Variants in MMP26 observed in about 807,000 individuals in gnomAD.
The protein encoded by MMP26 is matrix metallopeptidase 26, also known as matrix metalloproteinase-26.
Under a neutral mutation model 31.0 loss-of-function variants are expected in MMP26, and 33 were observed. The observed-to-expected ratio is 1.06, with a 90% CI of 0.81 to 1.42. MMP26 has a LOEUF of 1.42. Among genes scored for constraint, MMP26 ranks in the 40% most tolerant of loss-of-function variants. The probability of loss-of-function intolerance (pLI) is 0.00; values close to 1 mark genes in which losing one functional copy is unlikely to be tolerated. For synonymous variants in MMP26, 122 were observed against 114.9 expected, an observed-to-expected ratio of 1.06 and a Z score of -0.40; for missense variants, 347 against 316.1, an observed-to-expected ratio of 1.10 and a Z score of -0.74.
intron 2 of MMP26, chr11:4,859,716 G>T (rs750559578): frequency 8.3e-5 from 39 of 470,932 alleles, no homozygotes; most frequent in Non-Finnish European, 1.7e-4. Context: ...GGAGCAGTAG[G>T]TATATATCAG....
At chr11:4,859,312 G>A (rs375349318) in intron 2 of MMP26, among the ~76,000 whole-genome samples, 86 of 152,280 alleles carry the variant, frequency 5.6e-4, no homozygotes, top group African/African-American at 1.9e-3. Flanking sequence ...ACATACATTA[G>A]TGTTATCTGG....
chr11:4,805,259 A>G (rs528174198), intron 2 of MMP26, among the ~76,000 whole-genome samples: 1 of 152,358 alleles, frequency 6.6e-6, no homozygotes, highest in Admixed American at 6.5e-5. Context: ...TGGGAAGTTA[A>G]TCTACTGACC....
intron 2 of MMP26, among the ~76,000 whole-genome samples, chr11:4,801,828 C>T (rs1038307864): frequency 2.6e-5 from 4 of 152,038 alleles, no homozygotes; most frequent in African/African-American, 7.3e-5. Flanking sequence ...TGTGAACCAC[C>T]GAGCCCAGTT....
At chr11:4,986,433 G>C (rs768302592) in intron 2 of MMP26, among the ~76,000 whole-genome samples, 5 of 147,156 alleles carry the variant, frequency 3.4e-5, no homozygotes, top group Non-Finnish European at 3.0e-5. Context: ...CTACAGCCAA[G>C]ACCTCCCAGG....
At chr11:4,706,448 G>A (rs569075923) in intron 1 of MMP26, among the ~76,000 whole-genome samples, 29 of 151,706 alleles carry the variant, frequency 1.9e-4, no homozygotes, top group African/African-American at 6.8e-4. Context: ...TGTAGTCTCA[G>A]CTACTTTACA....
chr11:4,723,920 G>A (rs1848058775), intron 1 of MMP26: 2 of 943,320 alleles, frequency 2.1e-6, no homozygotes, highest in Non-Finnish European at 3.5e-6. Flanking sequence ...CGCATGGCCT[G>A]GATGTTGGGA....
chr11:4,982,245 T>G (rs746439231), intron 2 of MMP26, among the ~76,000 whole-genome samples: 15 of 152,172 alleles, frequency 9.9e-5, no homozygotes, highest in Non-Finnish European at 2.1e-4. Flanking sequence ...TATAATTGTA[T>G]GTGCTATACT....
intron 2 of MMP26, among the ~76,000 whole-genome samples, chr11:4,936,476 T>C (rs1564810394): frequency 1.3e-5 from 2 of 152,170 alleles, no homozygotes; most frequent in South Asian, 4.1e-4. Context: ...GATTGATATT[T>C]AAGAGAAGTT....
intron 2 of MMP26, among the ~76,000 whole-genome samples, chr11:4,868,324 G>A (rs139089146): frequency 3.2e-4 from 48 of 152,180 alleles, no homozygotes; most frequent in African/African-American, 1.0e-3. Flanking sequence ...AAACCCCATC[G>A]TCTCAGCTCA....
chr11:4,763,597 G>A (rs1003592824), intron 1 of MMP26, among the ~76,000 whole-genome samples: 1 of 152,182 alleles, frequency 6.6e-6, no homozygotes, highest in African/African-American at 2.4e-5. Flanking sequence ...TACTTCATGA[G>A]AGTACATGCC....
chr11:4,785,096 C>T (rs563307446), intron 2 of MMP26, among the ~76,000 whole-genome samples: 66 of 152,110 alleles, frequency 4.3e-4, no homozygotes, highest in Middle Eastern at 3.4e-3. Flanking sequence ...ACTGGTGTGA[C>T]CATCTCTGCA....
At chr11:4,915,667 G>T in intron 2 of MMP26, 2 of 1,605,534 alleles carry the variant, frequency 1.2e-6, no homozygotes, top group African/African-American at 1.3e-5. Flanking sequence ...GGGTCATTGT[G>T]TGAGGAGACA....
intron 2 of MMP26, among the ~76,000 whole-genome samples, chr11:4,964,124 A>G (rs1183696368): frequency 6.6e-6 from 1 of 151,936 alleles, no homozygotes; most frequent in East Asian, 1.9e-4. Context: ...ATTAGATCCC[A>G]TTTGTCAATT....
At chr11:4,753,409 A>G (rs1161455288) in intron 1 of MMP26, among the ~76,000 whole-genome samples, 2 of 152,082 alleles carry the variant, frequency 1.3e-5, no homozygotes, top group Non-Finnish European at 2.9e-5. Flanking sequence ...AAATACATTT[A>G]TTTGATGTTT....
rs543158878 is a variant in MMP26 at position 4,715,156 on chromosome 11, C to T, written c.-217+10111C>T. On this transcript the variant is annotated intron_variant, in intron 1 of 7. Transcript: ENST00000380390. ...ATGTATATATTGTATGCCCATACTT[C>T]TCAAAATATATTTCAAGGTATTGGG... is the stretch of plus-strand genomic sequence containing the variant. Among the ~76,000 whole-genome samples the T allele has an allele frequency of 2.0e-5, 3 of 152,074 alleles. No homozygotes were observed. In the South Asian group the frequency reaches 6.2e-4, roughly 32 times the overall value.
In MMP26 at chr11:4,805,808, T is replaced by C. The variant is rs79557359; in HGVS notation, c.-145+38467T>C. On this transcript the variant is annotated intron_variant, in intron 2 of 7. Coordinates refer to ENST00000380390, the MANE Select transcript of MMP26 (RefSeq NM_021801.5). ...GAGCCCCACTGTCTGTCTCTATTCATCTTACCTGAGTTTATTCCACTCTTT... is the reference window on the plus strand; with the variant it reads ...GAGCCCCACTGTCTGTCTCTATTCACCTTACCTGAGTTTATTCCACTCTTT... Among the ~76,000 whole-genome samples the C allele has an allele frequency of 1.8e-3, 281 of 152,268 alleles. 2 individuals carry two copies. The highest frequency in any genetic ancestry group is 6.3e-3 in the African/African-American group (263 of 41,552).
intron 1 of MMP26, chr11:4,724,115 G>A (rs1848062805): frequency 8.0e-6 from 5 of 628,618 alleles, no homozygotes; most frequent in Admixed American, 5.1e-5. Flanking sequence ...GGCTGCTGAA[G>A]TCCTGGGGGG....
intron 2 of MMP26, among the ~76,000 whole-genome samples, chr11:4,931,645 G>T (rs943899522): frequency 2.0e-5 from 3 of 152,012 alleles, no homozygotes; most frequent in Admixed American, 6.6e-5. Context: ...TAAGAATATA[G>T]GTTGAAGGAG....
chr11:4,769,462 T>C, intron 2 of MMP26: 1 of 1,613,318 alleles, frequency 6.2e-7, no homozygotes, highest in Non-Finnish European at 8.5e-7. Context: ...CTATAGCACG[T>C]GTAATCATCA....
Sources: allele counts gnomAD v4.1 joint callset (sites outside exome capture counted in the v4.1 genomes callset), GRCh38; gene constraint gnomAD v4.1.1; transcripts MANE v1.5; gene names NCBI Gene and HGNC (gene_info 2026-07-23, HGNC 2026-07-21).